Variants in ARHGEF28 observed in about 807,000 individuals in gnomAD.
The protein encoded by ARHGEF28 is 190 kDa guanine nucleotide exchange factor.
Under a neutral mutation model 206.6 loss-of-function variants are expected in ARHGEF28, and 152 were observed. The ratio of observed to expected loss-of-function variants is 0.74; its 90% CI spans 0.64 to 0.84. ARHGEF28 has a LOEUF of 0.84. ARHGEF28 is among the 40% of genes least tolerant of loss of function. The probability of loss-of-function intolerance (pLI) is 0.00; values close to 1 mark genes in which losing one functional copy is unlikely to be tolerated. For missense variants in ARHGEF28, 2,028 were observed against 2,073.2 expected (o/e 0.98, Z 0.42); for synonymous variants, 763 against 776.4 (o/e 0.98, Z 0.29).
chr5:73,826,171 C>A (rs948571110), intron 9 of ARHGEF28, among the ~76,000 whole-genome samples: 1 of 152,184 alleles, frequency 6.6e-6, no homozygotes, highest in African/African-American at 2.4e-5. Context: ...GTATTAAATA[C>A]TGCTGTAGGT....
intron 2 of ARHGEF28, among the ~76,000 whole-genome samples, chr5:73,714,697 C>T (rs1357842254): frequency 2.0e-5 from 3 of 152,116 alleles, no homozygotes; most frequent in East Asian, 1.9e-4. Flanking sequence ...GTCATATGCA[C>T]AAATCTTAAG....
intron 2 of ARHGEF28, among the ~76,000 whole-genome samples, chr5:73,739,478 G>C (rs573807646): frequency 2.0e-5 from 3 of 152,088 alleles, no homozygotes; most frequent in Non-Finnish European, 4.4e-5. Context: ...ATAAATCCAA[G>C]GAGTTAGAAA....
intron 2 of ARHGEF28, among the ~76,000 whole-genome samples, chr5:73,736,044 C>T (rs1482553406): frequency 1.3e-5 from 2 of 152,182 alleles, no homozygotes; most frequent in Non-Finnish European, 2.9e-5. Flanking sequence ...TAGGTCTTGT[C>T]GTCTTCATAC....
rs968346840 is a variant in ARHGEF28 at position 73,940,811 on chromosome 5, C to G, written c.4949-33C>G. The G allele has an allele frequency of 3.6e-5, 51 of 1,407,776 alleles. No individual in the cohort carries two copies. The African/African-American group carries it at 7.0e-4, about 19-fold the overall frequency. The allele number at this position is 1,407,776 out of a possible 1,614,324, so 87.2% of individuals were successfully genotyped here. On this transcript the variant is annotated intron_variant, in intron 35 of 35. Coordinates refer to ENST00000513042, the MANE Select transcript of ARHGEF28 (RefSeq NM_001177693.2). ...CATCTGCCTTGTACATCTCAGGTGGCCTCCTGTAACCTGTGCTGTCTGTTT... is the reference window on the plus strand; with the variant it reads ...CATCTGCCTTGTACATCTCAGGTGGGCTCCTGTAACCTGTGCTGTCTGTTT...
At chr5:73,728,681 C>T (rs1280541762) in intron 2 of ARHGEF28, among the ~76,000 whole-genome samples, 1 of 152,130 alleles carries the variant, frequency 6.6e-6, no homozygotes, top group African/African-American at 2.4e-5. Context: ...AAAGAGAAAA[C>T]GTTTCTCATT....
intron 35 of ARHGEF28, among the ~76,000 whole-genome samples, chr5:73,938,160 C>CACACACACACACA (rs577912637): frequency 7.2e-6 from 1 of 139,548 alleles, no homozygotes; most frequent in Non-Finnish European, 1.6e-5. Context: ...CTACACTACA[C>CACACACACACACA]CACACACACA....
At chr5:73,864,191 CA>C (rs1759566040) in intron 16 of ARHGEF28, among the ~76,000 whole-genome samples, 2 of 152,156 alleles carry the variant, frequency 1.3e-5, no homozygotes, top group African/African-American at 4.8e-5. Context: ...TGTCTGTGTT[CA>C]TGGGCAGAAA....
intron 35 of ARHGEF28, among the ~76,000 whole-genome samples, chr5:73,934,489 A>G (rs1764308837): frequency 2.0e-5 from 3 of 152,174 alleles, no homozygotes. Flanking sequence ...GCCTGGGTGT[A>G]ATATAGATGT....
intron 9 of ARHGEF28, among the ~76,000 whole-genome samples, chr5:73,795,976 C>T (rs114766679): frequency 0.018 from 2,682 of 152,262 alleles, 76 homozygotes; most frequent in African/African-American, 0.062. Flanking sequence ...GTATTTCCTC[C>T]CTCTGACCTG....
At chr5:73,727,850 G>T (rs1280831564) in intron 2 of ARHGEF28, among the ~76,000 whole-genome samples, 3 of 152,102 alleles carry the variant, frequency 2.0e-5, no homozygotes, top group Non-Finnish European at 2.9e-5. Flanking sequence ...AGGACCATGG[G>T]GTCATCACCT....
chr5:73,859,504 A>C (rs1579998077), intron 16 of ARHGEF28, among the ~76,000 whole-genome samples: 3 of 152,204 alleles, frequency 2.0e-5, no homozygotes, highest in Non-Finnish European at 4.4e-5. Flanking sequence ...CACATATGAC[A>C]TTACAGGCAG....
At chr5:73,934,147 G>A (rs1300239037) in intron 35 of ARHGEF28, among the ~76,000 whole-genome samples, 1 of 152,020 alleles carries the variant, frequency 6.6e-6, no homozygotes, top group East Asian at 1.9e-4. Flanking sequence ...GGAAAAGACA[G>A]GTTCAATTAT....
intron 2 of ARHGEF28, among the ~76,000 whole-genome samples, chr5:73,719,508 A>T (rs144798569): frequency 6.6e-6 from 1 of 151,986 alleles, no homozygotes; most frequent in African/African-American, 2.4e-5. Context: ...TGTAAAAATC[A>T]TACTTGGGAT....
At chr5:73,938,160 C>CTACA (rs577912637) in intron 35 of ARHGEF28, among the ~76,000 whole-genome samples, 1 of 139,548 alleles carries the variant, frequency 7.2e-6, no homozygotes, top group African/African-American at 2.6e-5. Flanking sequence ...CTACACTACA[C>CTACA]CACACACACA....
chr5:73,675,204 G>A (rs1316525579), intron 1 of ARHGEF28, among the ~76,000 whole-genome samples: 1 of 152,174 alleles, frequency 6.6e-6, no homozygotes, highest in African/African-American at 2.4e-5. Flanking sequence ...AGGACACCCA[G>A]CTTGTGTCTG....
chr5:73,829,479 A>G (rs751814052), intron 9 of ARHGEF28, among the ~76,000 whole-genome samples: 4 of 152,164 alleles, frequency 2.6e-5, no homozygotes, highest in Admixed American at 2.0e-4. Flanking sequence ...CTCTGGGTTC[A>G]AGCAATTCTC....
intron 2 of ARHGEF28, among the ~76,000 whole-genome samples, chr5:73,710,429 G>A (rs1340940886): frequency 6.6e-6 from 1 of 151,972 alleles, no homozygotes; most frequent in Non-Finnish European, 1.5e-5. Flanking sequence ...AGATGTAAGG[G>A]TCCTGGATAC....
At chr5:73,901,583 C>A (rs980290893) in intron 31 of ARHGEF28, 1 of 175,888 alleles carries the variant, frequency 5.7e-6, no homozygotes. Flanking sequence ...GCCCTGCAAA[C>A]CTTTGCTTCT....
intron 9 of ARHGEF28, chr5:73,803,472 G>A (rs1041507128): frequency 5.8e-5 from 9 of 154,688 alleles, no homozygotes; most frequent in African/African-American, 2.2e-4. Flanking sequence ...TGTTGTCCAC[G>A]AAGAGTTTCT....
Sources: allele counts gnomAD v4.1 joint callset (sites outside exome capture counted in the v4.1 genomes callset), GRCh38; gene constraint gnomAD v4.1.1; transcripts MANE v1.5; gene names NCBI Gene and HGNC (gene_info 2026-07-23, HGNC 2026-07-21).